The following SLC24A2 variants were observed in gnomAD, a reference collection of about 807,000 sequenced individuals.
SLC24A2 encodes sodium/potassium/calcium exchanger 2.
In SLC24A2, 36 loss-of-function variants were observed where a neutral mutation model predicts 62.0. The ratio of observed to expected loss-of-function variants is 0.58; its 90% confidence interval spans 0.44 to 0.77. SLC24A2 has a LOEUF of 0.77. Among genes scored for constraint, SLC24A2 ranks in the 30% least tolerant of loss-of-function variants. The pLI is 0.00. For synonymous variants in SLC24A2, 358 were observed against 294.0 expected (o/e 1.22, Z -2.23); for missense variants, 846 against 817.9 (o/e 1.03, Z -0.42).
At chr9:19,656,365 C>T (rs10811223) in intron 2 of SLC24A2, among the ~76,000 whole-genome samples, 109,639 of 152,108 alleles carry the variant, frequency 0.72, 39,614 homozygotes, top group Admixed American at 0.76. Flanking sequence ...TATTTGCAGC[C>T]ACTACAACCT....
the SLC24A2 span, among the ~76,000 whole-genome samples, chr9:20,259,046 T>C: frequency 1.5e-4 from 23 of 152,106 alleles, no homozygotes; most frequent in African/African-American, 5.5e-4. Context: ...CAGAGGGAAA[T>C]GAAACCTGGG....
chr9:20,023,389 T>A, the SLC24A2 span, among the ~76,000 whole-genome samples: 1 of 152,088 alleles, frequency 6.6e-6, no homozygotes, highest in South Asian at 2.1e-4. Flanking sequence ...CAGGAGGTAA[T>A]AGAGAAAAGA....
At chr9:19,947,389 A>G in the SLC24A2 span, among the ~76,000 whole-genome samples, 2 of 150,610 alleles carry the variant, frequency 1.3e-5, no homozygotes, top group Non-Finnish European at 3.0e-5. Context: ...AGGAAGGAAG[A>G]AGAAAGAAGG....
At chr9:19,820,037 A>ATACATATATATATGTG in the SLC24A2 span, among the ~76,000 whole-genome samples, 1 of 34,026 alleles carries the variant, frequency 2.9e-5, no homozygotes, top group African/African-American at 5.9e-5. Flanking sequence ...ACATATATAT[A>ATACATATATATATGTG]TATACATATA....
chr9:20,036,331 G>C, the SLC24A2 span, among the ~76,000 whole-genome samples: 1 of 151,948 alleles, frequency 6.6e-6, no homozygotes, highest in African/African-American at 2.4e-5. Flanking sequence ...TTGTTGTAAT[G>C]GGAACATTTG....
At chr9:20,303,021 A>G in the SLC24A2 span, among the ~76,000 whole-genome samples, 4 of 152,312 alleles carry the variant, frequency 2.6e-5, no homozygotes, top group Admixed American at 1.3e-4. Context: ...CTAAACTTCC[A>G]TCCCCAAAAG....
chr9:19,523,647 G>C (rs752753929), intron 9 of SLC24A2, among the ~76,000 whole-genome samples: 1 of 152,048 alleles, frequency 6.6e-6, no homozygotes, highest in African/African-American at 2.4e-5. Flanking sequence ...ATTTTTAGTA[G>C]AGATGGGGTT....
chr9:19,563,946 T>C (rs565646357), intron 7 of SLC24A2, among the ~76,000 whole-genome samples: 1 of 150,748 alleles, frequency 6.6e-6, no homozygotes, highest in Non-Finnish European at 1.5e-5. Flanking sequence ...CTCTGCCTCC[T>C]GGGCTCAAGT....
At chr9:19,971,988 C>G in the SLC24A2 span, among the ~76,000 whole-genome samples, 1 of 152,124 alleles carries the variant, frequency 6.6e-6, no homozygotes, top group Non-Finnish European at 1.5e-5. Flanking sequence ...TAACAACTAA[C>G]AAGTAGAGCT....
chr9:20,107,425 T>G, the SLC24A2 span, among the ~76,000 whole-genome samples: 4 of 152,138 alleles, frequency 2.6e-5, no homozygotes, highest in South Asian at 6.2e-4. Flanking sequence ...GGAGGCATCA[T>G]GCTACCTGAC....
At chr9:19,752,198 A>AC (rs2118815014) in intron 2 of SLC24A2, among the ~76,000 whole-genome samples, 1 of 152,198 alleles carries the variant, frequency 6.6e-6, no homozygotes, top group Admixed American at 6.5e-5. Context: ...AAGAATGAGG[A>AC]CTTGATCCAG....
chr9:20,162,992 G>C, the SLC24A2 span, among the ~76,000 whole-genome samples: 1 of 152,112 alleles, frequency 6.6e-6, no homozygotes, highest in East Asian at 1.9e-4. Flanking sequence ...AAAATAATAA[G>C]AGCTATCTAT....
intron 4 of SLC24A2, among the ~76,000 whole-genome samples, chr9:19,600,806 CT>C (rs1294432566): frequency 1.3e-5 from 2 of 152,128 alleles, no homozygotes; most frequent in African/African-American, 4.8e-5. Context: ...CCTAGATGTG[CT>C]TTTCTGCTGC....
the SLC24A2 span, among the ~76,000 whole-genome samples, chr9:19,907,602 T>C: frequency 6.6e-6 from 1 of 152,198 alleles, no homozygotes; most frequent in Admixed American, 6.5e-5. Context: ...CAAAATCTAC[T>C]TAAGCTGATA....
At chr9:19,704,407 G>A (rs1820447094) in intron 2 of SLC24A2, among the ~76,000 whole-genome samples, 1 of 151,904 alleles carries the variant, frequency 6.6e-6, no homozygotes, top group African/African-American at 2.4e-5. Flanking sequence ...GAGAGAGAGT[G>A]TGTGTATGTG....
chr9:20,228,613 C>T, the SLC24A2 span, among the ~76,000 whole-genome samples: 1 of 151,986 alleles, frequency 6.6e-6, no homozygotes, highest in African/African-American at 2.4e-5. Flanking sequence ...TCTGCTATTG[C>T]CCTAAGAGAG....
the SLC24A2 span, among the ~76,000 whole-genome samples, chr9:19,894,611 A>AT: frequency 3.3e-5 from 5 of 151,880 alleles, no homozygotes; most frequent in South Asian, 4.2e-4. Context: ...TCCTAATTCA[A>AT]TTTTTTTTCT....
chr9:20,038,261 G>C, the SLC24A2 span, among the ~76,000 whole-genome samples: 2 of 152,180 alleles, frequency 1.3e-5, no homozygotes, highest in Admixed American at 1.3e-4. Flanking sequence ...TTCTTTGTCT[G>C]TTAAGTGAAG....
In SLC24A2 at chr9:19,512,231, C is replaced by G. The variant is rs552514000; in HGVS notation, c.*3922G>C. 6.6e-6 allele frequency: 1 copy of G among 152,346 alleles called. No individual in the cohort carries two copies. Among genetic ancestry groups the G allele is most frequent in the Middle Eastern group, 3.4e-3 (1 of 296 alleles). 9.4% of individuals were successfully genotyped at this position (152,346 alleles called of 1,614,324 possible). ...AAATGTCTAATCAGCGAGGCAGCTG[C>G]GTTTTGCTGAAAGGGCTCCAAACCA... On this transcript the variant is annotated 3_prime_UTR_variant, in exon 11 of 11. Transcript: ENST00000341998.
Sources: allele counts gnomAD v4.1 joint callset (sites outside exome capture counted in the v4.1 genomes callset), GRCh38; gene constraint gnomAD v4.1.1; transcripts MANE v1.5; gene names NCBI Gene and HGNC (gene_info 2026-07-23, HGNC 2026-07-21).